The following UPRT variants were observed in gnomAD, a reference collection of about 807,000 sequenced individuals.
The protein encoded by UPRT is uracil phosphoribosyltransferase homolog.
A neutral mutation model predicts 22.6 loss-of-function variants in UPRT; 5 were observed. The ratio of observed to expected loss-of-function variants is 0.22; its 90% CI spans 0.12 to 0.47. UPRT has a LOEUF of 0.47. Among genes scored for constraint, UPRT ranks in the 20% least tolerant of loss-of-function variants. UPRT has a pLI of 0.99. For synonymous variants in UPRT, 77 were observed against 87.7 expected, an observed-to-expected ratio of 0.88 and a Z score of 0.68; for missense variants, 181 against 239.9, an observed-to-expected ratio of 0.75 and a Z score of 1.62.
intron 4 of UPRT, among the ~76,000 whole-genome samples, chrX:75,237,482 A>G (rs1056313758): frequency 9.0e-6 from 1 of 111,044 alleles, no homozygotes; most frequent in Admixed American, 9.6e-5. Context: ...TCATGCTGCT[A>G]TAAAACACAT....
chrX:75,186,540 G>C (rs1436884147), intron 4 of UPRT, among the ~76,000 whole-genome samples: 11 of 111,622 alleles, frequency 9.9e-5, no homozygotes, highest in Middle Eastern at 4.7e-3. Context: ...TATTAGGTCT[G>C]CTTGGTGCAG....
At chrX:75,200,990 T>G (rs935866983) in intron 4 of UPRT, among the ~76,000 whole-genome samples, 1 of 112,111 alleles carries the variant, frequency 8.9e-6, no homozygotes, top group African/African-American at 3.2e-5. Flanking sequence ...CCTATAGATT[T>G]AAGTCCAAAT....
chrX:75,179,834 A>G (rs372428987), intron 4 of UPRT, among the ~76,000 whole-genome samples: 71 of 111,715 alleles, frequency 6.4e-4, no homozygotes, highest in South Asian at 2.2e-3. Flanking sequence ...CCAAGCCCAC[A>G]CCTACCCGGA....
At chrX:75,265,455 C>T (rs2082585001) in intron 4 of UPRT, among the ~76,000 whole-genome samples, 1 of 112,180 alleles carries the variant, frequency 8.9e-6, no homozygotes, top group African/African-American at 3.2e-5. Flanking sequence ...TATACCCTTT[C>T]TTCAAGTTGA....
intron 4 of UPRT, among the ~76,000 whole-genome samples, chrX:75,254,791 C>T (rs765416090): frequency 1.2e-4 from 9 of 74,427 alleles, no homozygotes; most frequent in South Asian, 8.1e-4. Context: ...TTTTTTGAGA[C>T]GGAGTCTCGC....
intron 4 of UPRT, among the ~76,000 whole-genome samples, chrX:75,203,729 G>GT (rs1020472384): frequency 9.0e-6 from 1 of 111,296 alleles, no homozygotes; most frequent in Non-Finnish European, 1.9e-5. Context: ...TGATGAGGCT[G>GT]TTCTGGCCCT....
upstream of UPRT, among the ~76,000 whole-genome samples, chrX:75,269,915 T>C (rs1018610640): frequency 3.6e-5 from 4 of 111,544 alleles, no homozygotes; most frequent in African/African-American, 1.3e-4. Context: ...GAGATCTAAT[T>C]ATACAACAGA....
At chrX:75,236,773 C>G (rs1039399202) in intron 4 of UPRT, among the ~76,000 whole-genome samples, 2 of 112,194 alleles carry the variant, frequency 1.8e-5, no homozygotes, top group Non-Finnish European at 3.8e-5. Flanking sequence ...TGGATCCCTT[C>G]CTTACACCTT....
At chrX:75,222,393 A>G (rs1358757034) in intron 4 of UPRT, among the ~76,000 whole-genome samples, 4 of 111,520 alleles carry the variant, frequency 3.6e-5, no homozygotes, top group African/African-American at 1.3e-4. Context: ...CAGGTGACAA[A>G]GCCAGCCAGG....
chrX:75,194,981 G>A (rs1425326675), intron 4 of UPRT, among the ~76,000 whole-genome samples: 3 of 110,794 alleles, frequency 2.7e-5, no homozygotes, highest in African/African-American at 9.8e-5. Flanking sequence ...CGGGGGGCAC[G>A]GTGCACTCAC....
chrX:75,251,787 C>T (rs954984458), intron 4 of UPRT, among the ~76,000 whole-genome samples: 3 of 111,443 alleles, frequency 2.7e-5, no homozygotes, highest in African/African-American at 6.5e-5. Flanking sequence ...AAGCTGGAGG[C>T]ATCACACTAC....
chrX:75,188,059 C>T (rs2082300842), intron 4 of UPRT, among the ~76,000 whole-genome samples: 1 of 112,360 alleles, frequency 8.9e-6, no homozygotes, highest in South Asian at 3.7e-4. Context: ...TGTTCCATTG[C>T]TGGTGAGGAA....
At chrX:75,179,718 ACTGCTGGGGGACCCAGTACAC>A (rs1425386817) in intron 4 of UPRT, among the ~76,000 whole-genome samples, 4 of 113,434 alleles carry the variant, frequency 3.5e-5, no homozygotes, top group Middle Eastern at 4.6e-3. Flanking sequence ...GTGGGCTGGC[ACTGCTGGGGGACCCAGTACAC>A]CTTCTGCAGC....
chrX:75,221,671 T>A (rs773349272), intron 4 of UPRT, among the ~76,000 whole-genome samples: 12 of 111,880 alleles, frequency 1.1e-4, no homozygotes, highest in African/African-American at 3.9e-4. Context: ...TTTTAAATTA[T>A]TTCAATATCT....
chrX:75,178,784 C>G (rs2082258944), intron 4 of UPRT, among the ~76,000 whole-genome samples: 1 of 110,967 alleles, frequency 9.0e-6, no homozygotes, highest in African/African-American at 3.3e-5. Context: ...CAGCGTGGAC[C>G]TAAAGAGTGA....
intron 4 of UPRT, among the ~76,000 whole-genome samples, chrX:75,210,616 T>G (rs2082377797): frequency 1.3e-5 from 1 of 79,023 alleles, no homozygotes; most frequent in African/African-American, 5.3e-5. Context: ...AGGGCAAAAG[T>G]AAGGGGGTGG....
Position 75,204,322 on chromosome X carries a change from AC to A in UPRT, c.-447+36445del, listed in dbSNP as rs2082356980. Among the ~76,000 whole-genome samples the A allele has an allele frequency of 3.6e-5, 4 of 110,731 alleles. No homozygotes were observed. In the Admixed American group the frequency reaches 3.8e-4, roughly 11 times the overall value. On this transcript the variant is annotated intron_variant, in intron 4 of 13. Transcript: ENST00000652605. ...GGAGGAAATAGGGATTACTAAAGGAACCTGAATGGTTTGGTTGTTAGGCAAA... is the reference window on the plus strand; with the variant it reads ...GGAGGAAATAGGGATTACTAAAGGAACTGAATGGTTTGGTTGTTAGGCAAA...
At chrX:75,234,594 C>A (rs1408927024) in intron 4 of UPRT, among the ~76,000 whole-genome samples, 1 of 111,842 alleles carries the variant, frequency 8.9e-6, no homozygotes, top group Non-Finnish European at 1.9e-5. Context: ...ATCTCTCAGA[C>A]CACATTGCAA....
intron 4 of UPRT, among the ~76,000 whole-genome samples, chrX:75,210,058 A>C: frequency 8.9e-6 from 1 of 111,785 alleles, no homozygotes; most frequent in Admixed American, 9.5e-5. Context: ...TTAGGGCTTA[A>C]GGTGGTATAT....
Sources: gnomAD v4.1 joint callset for allele counts (sites outside exome capture counted in the v4.1 genomes callset) on GRCh38, gnomAD v4.1.1 for gene constraint, MANE v1.5 for transcripts, NCBI Gene and HGNC (gene_info 2026-07-23, HGNC 2026-07-21) for gene names.